Variants in EIF3A observed in about 807,000 individuals in gnomAD.
EIF3A encodes EIF3, p180 subunit.
A neutral mutation model predicts 186.6 loss-of-function variants in EIF3A; 21 were observed. The ratio of observed to expected loss-of-function variants is 0.11; its 90% CI spans 0.08 to 0.16. The LOEUF (loss-of-function observed/expected upper bound fraction) is 0.16, where lower values mean the gene tolerates loss of function less well. EIF3A is among the 10% of genes least tolerant of loss of function. The pLI, the probability that EIF3A is intolerant of heterozygous loss-of-function variation, is 1.00. For synonymous variants in EIF3A, 563 were observed against 584.3 expected, an observed-to-expected ratio of 0.96 and a Z score of 0.52; for missense variants, 1,306 against 1,796.3, an observed-to-expected ratio of 0.73 and a Z score of 4.93.
In EIF3A at chr10:119,073,037, C is replaced by T. The variant is rs1479911111; in HGVS notation, c.394G>A (p.Val132Ile). The T allele has an allele frequency of 3.1e-6, 5 of 1,612,594 alleles. No homozygotes were observed. The highest frequency in any genetic ancestry group is 4.2e-6 in the Non-Finnish European group (5 of 1,179,616). ...QTPESVLLSA[V>I]SGEDTQDRTD... ...CGATCCTGAGTGTCTTCACCACTTA[C>T]AGCACTTAGGAGAACACTACAAAGA... The change falls in exon 4 of 22, where the codon GTA becomes ATA. Residue 132 changes from valine (V) to isoleucine (I), a missense_variant. Val to Ile is a conservative substitution (Grantham distance 29). Around this residue, in one of 8 missense-constraint regions of EIF3A, gnomAD observed 130 missense variants for 259.3 expected, o/e 0.50. Coordinates refer to ENST00000369144, the MANE Select transcript of EIF3A (RefSeq NM_003750.4).
Position 119,035,342 on chromosome 10 carries a change from A to G in EIF3A, c.*697T>C, listed in dbSNP as rs1257290857. 1 of 152,588 alleles carries G rather than the reference A, an allele frequency of 6.6e-6. No individual in the cohort carries two copies. Among genetic ancestry groups the G allele is most frequent in the Non-Finnish European group, 1.5e-5 (1 of 68,030 alleles). The allele number at this position is 152,588 out of a possible 1,614,324, so 9.5% of individuals were successfully genotyped here. A position where few individuals can be genotyped will look rare whatever the true frequency, so the allele number is the denominator to read the frequency against. On this transcript the variant is annotated 3_prime_UTR_variant, in exon 22 of 22. Coordinates refer to ENST00000369144, the MANE Select transcript of EIF3A (RefSeq NM_003750.4). ...AAGCAGTTTGCTATTGGCAACAGAAAAAAACTCAGCGATAATTTACCAAAT... is the reference window on the plus strand; with the variant it reads ...AAGCAGTTTGCTATTGGCAACAGAAGAAAACTCAGCGATAATTTACCAAAT...
rs1269425794 is a variant in EIF3A at position 119,072,609 on chromosome 10, C to T, written c.541+281G>A. On this transcript the variant is annotated intron_variant, in intron 4 of 21. Transcript: ENST00000369144. ...TTGGGATTACAGGCATACACCACCA[C>T]GCCCGGCTAAATTTTTTGTATTTTT... Among the ~76,000 whole-genome samples, 3 of 152,122 alleles carry T rather than the reference C, an allele frequency of 2.0e-5. No homozygotes were observed. The South Asian group carries it at 6.2e-4, about 31-fold the overall frequency.
At chr10:119,065,924 G>A (rs577200709) in intron 6 of EIF3A, among the ~76,000 whole-genome samples, 1 of 151,524 alleles carries the variant, frequency 6.6e-6, no homozygotes, top group South Asian at 2.1e-4. Context: ...AGACCATCCT[G>A]GCTAACACGG....
At position 119,037,101 on chromosome 10, in the gene EIF3A, T is replaced by TG. The variant is rs1157252491; in HGVS notation, c.3919+17dup. ...AACGACAGTTCTCCAATACTTCAGTTGTATGTAACCTCTATACCTTCTTCA... is the reference window on the plus strand; with the variant it reads ...AACGACAGTTCTCCAATACTTCAGTTGGTATGTAACCTCTATACCTTCTTCA... On this transcript the variant is annotated intron_variant, in intron 21 of 21. Coordinates refer to ENST00000369144, the MANE Select transcript of EIF3A (RefSeq NM_003750.4). The TG allele has an allele frequency of 1.0e-6, 1 of 1,004,966 alleles. No individual in the cohort carries two copies. The highest frequency in any genetic ancestry group is 1.6e-5 in the African/African-American group (1 of 60,848). 62.3% of individuals were successfully genotyped at this position (1,004,966 alleles called of 1,614,324 possible).
At chr10:119,047,378 T>C (rs1364812072) in intron 17 of EIF3A, among the ~76,000 whole-genome samples, 1 of 152,046 alleles carries the variant, frequency 6.6e-6, no homozygotes. Context: ...AAGCAAGTGT[T>C]AGGAATAAAA....
Position 119,047,377 on chromosome 10 carries a change from T to C in EIF3A, c.2658+2424A>G, listed in dbSNP as rs529127649. On this transcript the variant is annotated intron_variant, in intron 17 of 21. Coordinates refer to ENST00000369144, the MANE Select transcript of EIF3A (RefSeq NM_003750.4). ...CAAATAAAAAGCTCCAAAGCAAGTG[T>C]TAGGAATAAAACCAAATATACTAGT... 1.1e-3 allele frequency among the ~76,000 whole-genome samples: 166 copies of C among 152,108 alleles called. 1 individual carries two copies. The highest frequency in any genetic ancestry group is 6.8e-3 in the Middle Eastern group (2 of 292).
At position 119,035,482 on chromosome 10, in the gene EIF3A, AC is replaced by A. The variant is rs1485884762; in HGVS notation, c.*556del. 6.7e-6 allele frequency: 1 copy of A among 149,310 alleles called. No individual in the cohort carries two copies. The highest frequency in any genetic ancestry group is 1.5e-5 in the Non-Finnish European group (1 of 67,060). The allele number at this position is 149,310 out of a possible 1,614,324, so 9.2% of individuals were successfully genotyped here. ...TTCTCTCAAGTAAAATCTAAAGAAA[AC>A]CCCACCGTATCCAATGTTTGTAATG... On this transcript the variant is annotated 3_prime_UTR_variant, in exon 22 of 22. Coordinates refer to ENST00000369144, the MANE Select transcript of EIF3A (RefSeq NM_003750.4).
chr10:119,036,547 C>T (rs1185491640), intron 21 of EIF3A, among the ~76,000 whole-genome samples: 1 of 152,080 alleles, frequency 6.6e-6, no homozygotes, highest in Non-Finnish European at 1.5e-5. Flanking sequence ...ACCCGTAAGA[C>T]AAGGTGGCAA....
chr10:119,036,287 A>AC lies in EIF3A; in HGVS notation c.3920-20_3920-19insG, dbSNP rs1848129221. 6.4e-7 allele frequency: 1 copy of AC among 1,566,704 alleles called. No homozygotes were observed. Among genetic ancestry groups the AC allele is most frequent in the Non-Finnish European group, 8.7e-7 (1 of 1,151,276 alleles). ...GAACTTACTAAAAAGTTTAATTAAA[A>AC]AAAAAAAATTAAGTTAGTACTATAT... On this transcript the variant is annotated intron_variant, in intron 21 of 21. Transcript: ENST00000369144.
At chr10:119,070,821 T>A in intron 5 of EIF3A, 65 bp downstream of exon 5, 1 of 1,156,280 alleles carries the variant, frequency 8.6e-7, no homozygotes, top group Middle Eastern at 1.9e-4. Flanking sequence ...AGCTATTCAT[T>A]AAGGGGGGAG....
chr10:119,068,658 T>A (rs1258336182), intron 6 of EIF3A, among the ~76,000 whole-genome samples: 1 of 139,252 alleles, frequency 7.2e-6, no homozygotes, highest in East Asian at 2.2e-4. Context: ...GAGCGAAGGC[T>A]CTGTCTCAAG....
chr10:119,061,745 T>C (rs947817394), intron 7 of EIF3A, among the ~76,000 whole-genome samples: 7 of 152,158 alleles, frequency 4.6e-5, no homozygotes, highest in Admixed American at 2.0e-4. Flanking sequence ...AGAATTCACA[T>C]ATGGTGTATT....
At position 119,058,152 on chromosome 10, in the gene EIF3A, A is replaced by G. The variant is rs1843818926; in HGVS notation, c.1781T>C (p.Leu594Ser). The G allele has an allele frequency of 6.2e-7, 1 of 1,613,838 alleles. No individual in the cohort carries two copies. Among genetic ancestry groups the G allele is most frequent in the Non-Finnish European group, 8.5e-7 (1 of 1,180,014 alleles). Residue 594 changes from leucine (L) to serine (S), a missense_variant, in exon 12 of 22, where the codon TTG (leucine) becomes TCG (serine). Coordinates refer to ENST00000369144, the MANE Select transcript of EIF3A (RefSeq NM_003750.4). ...CTGGAGTTCAGCTTCCCTCTGTTCC[A>G]ATTCTTCTTTCTCACGCTGAATATT... The part of the protein sequence containing the change: ...SLNIQREKEE[L>S]EQREAELQKV...
intron 17 of EIF3A, among the ~76,000 whole-genome samples, chr10:119,049,481 G>A (rs1186777041): frequency 9.8e-6 from 1 of 101,956 alleles, no homozygotes; most frequent in Non-Finnish European, 1.9e-5. Flanking sequence ...GCAATGAAGC[G>A]AGACTCTGTC....
chr10:119,061,152 T>TA, intron 8 of EIF3A, 72 bp downstream of exon 8: 1 of 789,718 alleles, frequency 1.3e-6, no homozygotes, highest in Non-Finnish European at 2.0e-6. Flanking sequence ...TCTTAACAAA[T>TA]ATGAATACAA....
At chr10:119,058,698 C>T (rs1296760796) in intron 11 of EIF3A, among the ~76,000 whole-genome samples, 3 of 152,210 alleles carry the variant, frequency 2.0e-5, no homozygotes, top group Non-Finnish European at 4.4e-5. Context: ...GCATGGCCAA[C>T]ATGGTGAAAC....
intron 15 of EIF3A, 46 bp downstream of exon 15, chr10:119,051,153 C>T (rs746451619): frequency 3.8e-6 from 6 of 1,559,410 alleles, no homozygotes; most frequent in Non-Finnish European, 5.2e-6. Flanking sequence ...TAGGCCAATA[C>T]TAGAAAGCTC....
At chr10:119,071,147 G>T in intron 4 of EIF3A, 62 bp from the exon 5 acceptor site, 1 of 1,199,318 alleles carries the variant, frequency 8.3e-7, no homozygotes, top group Non-Finnish European at 1.2e-6. Flanking sequence ...TATTTGAATA[G>T]GTTTTATTTC....
In EIF3A at chr10:119,058,138, C is replaced by T; in HGVS notation, c.1795G>A (p.Ala599Thr). ...GCCTTCCGCACTTTCTGGAGTTCAG[C>T]TTCCCTCTGTTCCAATTCTTCTTTC... ...REKEELEQRE[A>T]ELQKVRKAEE... Residue 599 changes from alanine (A) to threonine (T), a missense_variant, in exon 12 of 22, where the codon GCT becomes ACT. By Grantham distance (58) the Ala-to-Thr change is moderately conservative. Transcript: ENST00000369144. 1 of 1,614,150 alleles carries T rather than the reference C, an allele frequency of 6.2e-7. No homozygotes were observed. Among genetic ancestry groups the T allele is most frequent in the Non-Finnish European group, 8.5e-7 (1 of 1,180,044 alleles).
Sources: gnomAD v4.1 joint callset for allele counts (sites outside exome capture counted in the v4.1 genomes callset) on GRCh38, gnomAD v4.1.1 for gene constraint, gnomAD v4.1.1 regional missense constraint, MANE v1.5 for transcripts, NCBI Gene and HGNC (gene_info 2026-07-23, HGNC 2026-07-21) for gene names.